Variants in CACNA2D1 observed in about 807,000 individuals in gnomAD.
CACNA2D1 encodes the protein calcium voltage-gated channel auxiliary subunit alpha2delta 1.
A neutral mutation model predicts 171.5 loss-of-function variants in CACNA2D1; 53 were observed. That is an observed-to-expected ratio of 0.31 (90% CI 0.25 to 0.39). The LOEUF (loss-of-function observed/expected upper bound fraction) is 0.39. Ranked by LOEUF, CACNA2D1 falls within the 10% of genes least tolerant of loss-of-function variation. CACNA2D1 has a pLI of 1.00. For synonymous variants in CACNA2D1, 442 were observed against 443.1 expected, an observed-to-expected ratio of 1.00 and a Z score of 0.03; for missense variants, 903 against 1,299.8, an observed-to-expected ratio of 0.69 and a Z score of 4.69.
intron 6 of CACNA2D1, among the ~76,000 whole-genome samples, chr7:82,105,277 A>G (rs1209052264): frequency 6.6e-6 from 1 of 152,052 alleles, no homozygotes; most frequent in Non-Finnish European, 1.5e-5. Context: ...TTGAGAATAC[A>G]CAAACTGTTA....
intron 4 of CACNA2D1, among the ~76,000 whole-genome samples, chr7:82,160,894 A>G (rs911461403): frequency 6.6e-6 from 1 of 152,126 alleles, no homozygotes; most frequent in African/African-American, 2.4e-5. Context: ...TTGTAGGGAA[A>G]AAATATCTTT....
chr7:82,213,776 GC>G (rs1242111960), intron 3 of CACNA2D1, among the ~76,000 whole-genome samples: 1 of 152,010 alleles, frequency 6.6e-6, no homozygotes, highest in African/African-American at 2.4e-5. Flanking sequence ...ACAGACTCAG[GC>G]TTTTTTTTAG....
chr7:82,415,308 C>T (rs867484010), intron 1 of CACNA2D1, among the ~76,000 whole-genome samples: 4 of 151,906 alleles, frequency 2.6e-5, no homozygotes, highest in African/African-American at 9.7e-5. Context: ...CCGAGATGGG[C>T]GGATCACCTG....
chr7:82,100,443 G>T (rs1812537581), intron 6 of CACNA2D1, among the ~76,000 whole-genome samples: 1 of 152,050 alleles, frequency 6.6e-6, no homozygotes, highest in African/African-American at 2.4e-5. Flanking sequence ...AGAGCATAAA[G>T]ATGTGTTCAT....
chr7:82,364,235 T>C (rs1187841391), intron 1 of CACNA2D1, among the ~76,000 whole-genome samples: 1 of 152,038 alleles, frequency 6.6e-6, no homozygotes, highest in Non-Finnish European at 1.5e-5. Context: ...AAAAAAAAGT[T>C]TGGCAGAAAG....
chr7:82,311,890 T>C (rs1032935097), intron 3 of CACNA2D1, among the ~76,000 whole-genome samples: 1 of 152,228 alleles, frequency 6.6e-6, no homozygotes, highest in East Asian at 1.9e-4. Flanking sequence ...CCTTAAAAAA[T>C]TCCCGACCTT....
At chr7:82,017,714 G>C (rs1012355150) in intron 12 of CACNA2D1, among the ~76,000 whole-genome samples, 1 of 151,750 alleles carries the variant, frequency 6.6e-6, no homozygotes, top group Non-Finnish European at 1.5e-5. Flanking sequence ...TAAAACTTAA[G>C]GTAAATTACC....
At chr7:82,040,271 T>C (rs933300301) in intron 10 of CACNA2D1, among the ~76,000 whole-genome samples, 1 of 151,976 alleles carries the variant, frequency 6.6e-6, no homozygotes, top group Non-Finnish European at 1.5e-5. Flanking sequence ...CATGGGCATC[T>C]GGAAGGATAG....
intron 6 of CACNA2D1, among the ~76,000 whole-genome samples, chr7:82,115,347 AAACAATT>A (rs1401688644): frequency 3.3e-5 from 5 of 152,168 alleles, no homozygotes; most frequent in Non-Finnish European, 7.4e-5. Flanking sequence ...ATAATGACAA[AAACAATT>A]ACAAATATCA....
intron 1 of CACNA2D1, among the ~76,000 whole-genome samples, chr7:82,366,687 T>C (rs1037716003): frequency 2.6e-5 from 4 of 152,006 alleles, no homozygotes; most frequent in Non-Finnish European, 2.9e-5. Context: ...AACATACGAG[T>C]GTATTTGTCT....
At chr7:82,345,608 A>T (rs928805791) in intron 2 of CACNA2D1, among the ~76,000 whole-genome samples, 2 of 151,606 alleles carry the variant, frequency 1.3e-5, no homozygotes, top group African/African-American at 4.8e-5. Flanking sequence ...AGACTATTTA[A>T]TTTTTAAAAA....
chr7:82,346,273 C>A (rs976051610), intron 2 of CACNA2D1, among the ~76,000 whole-genome samples: 1 of 152,106 alleles, frequency 6.6e-6, no homozygotes, highest in Non-Finnish European at 1.5e-5. Flanking sequence ...GTCATACTGG[C>A]CCAGCCTGTA....
rs372039045 is a variant in CACNA2D1, at chr7:82,117,081, G to A, written c.489C>T (p.His163=). The change falls in exon 6 of 39, where the codon CAC becomes CAT. Residue 163 remains histidine (H), a synonymous_variant. Transcript: ENST00000356860. ...TGTCAGTAGGAATATGGACTGCTGC[G>A]TGCTGATAAGATATTTGTCGTCCAA... The part of the protein sequence containing the change: ...ANFGRQISYQ[H]AAVHIPTDIY... 37 of 1,613,708 alleles carry A rather than the reference G, an allele frequency of 2.3e-5. 1 individual carries two copies. Among genetic ancestry groups the A allele is most frequent in the South Asian group, 9.9e-5 (9 of 91,078 alleles).
At chr7:82,039,226 A>C (rs1803661601) in intron 10 of CACNA2D1, among the ~76,000 whole-genome samples, 1 of 151,614 alleles carries the variant, frequency 6.6e-6, no homozygotes, top group Non-Finnish European at 1.5e-5. Flanking sequence ...GTGGGTCATA[A>C]GTTATTACAT....
intron 5 of CACNA2D1, among the ~76,000 whole-genome samples, chr7:82,123,808 G>T (rs1023078329): frequency 6.6e-6 from 1 of 152,100 alleles, no homozygotes; most frequent in Non-Finnish European, 1.5e-5. Context: ...GATACATAAA[G>T]TTATAGTAAT....
chr7:82,145,601 T>C (rs1792927097), intron 4 of CACNA2D1, among the ~76,000 whole-genome samples: 1 of 141,652 alleles, frequency 7.1e-6, no homozygotes, highest in Admixed American at 7.4e-5. Flanking sequence ...ATGTAATTTA[T>C]ATATTTTACA....
intron 31 of CACNA2D1, among the ~76,000 whole-genome samples, chr7:81,966,185 C>CA: frequency 8.9e-6 from 1 of 112,686 alleles, no homozygotes; most frequent in Middle Eastern, 4.1e-3. Context: ...AAACGCAAAA[C>CA]AAAAAATGTC....
intron 38 of CACNA2D1, among the ~76,000 whole-genome samples, chr7:81,951,371 G>T (rs1446592892): frequency 1.3e-5 from 2 of 151,832 alleles, no homozygotes; most frequent in East Asian, 1.9e-4. Flanking sequence ...TATTTCAATA[G>T]ATTTTGGGGA....
intron 3 of CACNA2D1, among the ~76,000 whole-genome samples, chr7:82,320,085 T>C (rs550561057): frequency 6.6e-6 from 1 of 151,978 alleles, no homozygotes; most frequent in South Asian, 2.1e-4. Context: ...TTTTTTTAAA[T>C]AAATCTGGAA....
Sources: allele counts gnomAD v4.1 joint callset (sites outside exome capture counted in the v4.1 genomes callset), GRCh38; gene constraint gnomAD v4.1.1; transcripts MANE v1.5; gene names NCBI Gene and HGNC (gene_info 2026-07-23, HGNC 2026-07-21).